FN3KRP: variants seen among roughly 807,000 people sequenced by gnomAD.
The protein encoded by FN3KRP is fructosamine 3 kinase related protein, also known as ketosamine-3-kinase.
Under a neutral mutation model 29.8 loss-of-function variants are expected in FN3KRP, and 33 were observed. That is an observed-to-expected ratio of 1.11 (90% CI 0.84 to 1.48). The LOEUF (loss-of-function observed/expected upper bound fraction) is 1.48. Among genes scored for constraint, FN3KRP ranks in the 40% most tolerant of loss-of-function variants. The pLI is 0.00. For synonymous variants in FN3KRP, 157 were observed against 155.2 expected (o/e 1.01, Z -0.09); for missense variants, 430 against 402.6 (o/e 1.07, Z -0.58).
chr17:82,725,603 C>G (rs933184947), intron 4 of FN3KRP, among the ~76,000 whole-genome samples: 5 of 152,142 alleles, frequency 3.3e-5, no homozygotes, highest in Non-Finnish European at 7.3e-5. Context: ...GCGCCCACCA[C>G]CACGTCCGGC....
Position 82,726,944 on chromosome 17 carries a change from C to A in FN3KRP, c.703C>A (p.Pro235Thr). Residue 235 changes from proline (P) to threonine (T), a missense_variant, in exon 6 of 6, where the codon CCA (proline) becomes ACA (threonine). Transcript: ENST00000269373. ...EDSSGPVIFD[P>T]ASFYGHSEYE... ...TTCCTCTGGGCCGGTGATTTTTGAC[C>A]CAGCTTCTTTCTACGGCCACTCGGA... 1.9e-6 allele frequency: 3 copies of A among 1,613,006 alleles called. No homozygotes were observed. Among genetic ancestry groups the A allele is most frequent in the Non-Finnish European group, 1.7e-6 (2 of 1,179,514 alleles).
intron 3 of FN3KRP, among the ~76,000 whole-genome samples, chr17:82,721,186 C>T (rs751170843): frequency 2.6e-5 from 4 of 152,060 alleles, no homozygotes; most frequent in Non-Finnish European, 4.4e-5. Context: ...CTCCTGGGTT[C>T]AAGCGATTTT....
rs746069991 is a variant in FN3KRP, at chr17:82,726,488, C to T, written c.477C>T (p.Asp159=). 6.2e-7 allele frequency: 1 copy of T among 1,613,732 alleles called. No homozygotes were observed. The highest frequency in any genetic ancestry group is 1.7e-5 in the Admixed American group (1 of 59,926). The part of the protein sequence containing the change: ...TCCGYLPQVN[D]WQEDWVVFYA... Reference sequence around the variant, plus strand: ...TTGCTGTTACTGTGCAGGTGAATGACTGGCAGGAGGACTGGGTCGTGTTCT... The same window carrying T: ...TTGCTGTTACTGTGCAGGTGAATGATTGGCAGGAGGACTGGGTCGTGTTCT... Residue 159 remains aspartate (D), a synonymous_variant, in exon 5 of 6, where the codon GAC becomes GAT. Transcript: ENST00000269373.
At position 82,726,881 on chromosome 17, in the gene FN3KRP, CT is replaced by C. The variant is rs771196672; in HGVS notation, c.641del (p.Leu214ProfsTer10). On this transcript the variant is annotated frameshift_variant, in exon 6 of 6. Coordinates refer to ENST00000269373, the MANE Select transcript of FN3KRP (RefSeq NM_024619.4). LOFTEE classifies it high-confidence loss of function. The stretch of plus-strand genomic sequence containing the variant: ...TGACCTGGAGATCATCCCAGCCTTA[CT>C]CCACGGGGACCTCTGGGGTGGAAAC... ...FRDLEIIPALLHGDLWGGNVA... is the reference protein window; with the variant it reads ...FRDLEIIPALXHGDLWGGNVA... The C allele has an allele frequency of 6.3e-6, 10 of 1,580,500 alleles. No homozygotes were observed.
intron 1 of FN3KRP, among the ~76,000 whole-genome samples, chr17:82,717,850 G>A (rs1166847961): frequency 2.0e-5 from 3 of 152,178 alleles, no homozygotes; most frequent in African/African-American, 7.2e-5. Context: ...CACGAGGAGA[G>A]TGTGTGTGTC....
rs1384770196 is a variant in FN3KRP at position 82,727,525 on chromosome 17, C to G, written c.*354C>G. The G allele has an allele frequency of 3.3e-5, 7 of 210,282 alleles. No individual in the cohort carries two copies. In the South Asian group the frequency reaches 8.1e-4, roughly 24 times the overall value. The allele number at this position is 210,282 out of a possible 1,614,324, so 13.0% of individuals were successfully genotyped here. On this transcript the variant is annotated 3_prime_UTR_variant, in exon 6 of 6. Transcript: ENST00000269373. ...CAGGGAGGTGGCCAGCGCCCCCGGG[C>G]ACTGCTGCTCATAGGTACCTTTCCA...
At position 82,726,845 on chromosome 17, in the gene FN3KRP, G is replaced by C. The variant is rs768222352; in HGVS notation, c.604G>C (p.Asp202His). The part of the protein sequence containing the change: ...LWSALQLKIP[D>H]LFRDLEIIPA... ...TTCCTCCCTGCAGTTAAAGATCCCT[G>C]ACCTGTTCCGTGACCTGGAGATCAT... The change falls in exon 6 of 6, where the codon GAC becomes CAC. Residue 202 changes from aspartate to histidine, a missense_variant. By Grantham distance (81) the Asp-to-His change is moderately conservative. Coordinates refer to ENST00000269373, the MANE Select transcript of FN3KRP (RefSeq NM_024619.4). The C allele has an allele frequency of 3.9e-6, 6 of 1,543,594 alleles. No individual in the cohort carries two copies. Among genetic ancestry groups the C allele is most frequent in the Non-Finnish European group, 4.4e-6 (5 of 1,147,396 alleles).
chr17:82,722,744 C>T (rs377520285), intron 3 of FN3KRP, 60 bp from the exon 4 acceptor site: 36 of 1,549,456 alleles, frequency 2.3e-5, no homozygotes, highest in African/African-American at 8.1e-5. Context: ...GACTCAGTTT[C>T]GAGAGTGGGC....
chr17:82,721,856 T>G (rs527545455), intron 3 of FN3KRP, among the ~76,000 whole-genome samples: 1 of 147,912 alleles, frequency 6.8e-6, no homozygotes, highest in Non-Finnish European at 1.5e-5. Flanking sequence ...TTTTTTGAAA[T>G]GGAGTTTTGC....
chr17:82,719,429 G>A lies in FN3KRP; in HGVS notation c.293+372G>A, dbSNP rs2143607307. On this transcript the variant is annotated intron_variant, in intron 2 of 5. Transcript: ENST00000269373. ...TCTCTGCAACCAAGGGCAGAAGCAA[G>A]AGGAATCTCCCAAAGTGAGATGCTG... is the stretch of plus-strand genomic sequence containing the variant. Among the ~76,000 whole-genome samples, 2 of 152,392 alleles carry A rather than the reference G, an allele frequency of 1.3e-5. 1 individual carries two copies. The highest frequency in any genetic ancestry group is 4.1e-4 in the South Asian group (2 of 4,834).
rs1240848167 is a variant in FN3KRP at position 82,718,646 on chromosome 17, A to G, written c.142-260A>G. The G allele has an allele frequency of 3.2e-6, 4 of 1,252,742 alleles. No homozygotes were observed. In the East Asian group the frequency reaches 1.4e-4, roughly 43 times the overall value. 77.6% of individuals were successfully genotyped at this position (1,252,742 alleles called of 1,614,324 possible). On this transcript the variant is annotated intron_variant, in intron 1 of 5. Transcript: ENST00000269373. ...GTGCCTTCGATTTTCCTCTCTCCAG[A>G]GAACCTCCCAATTCAACCACAGCAC...
In FN3KRP at chr17:82,726,871, C is replaced by T; in HGVS notation, c.630C>T (p.Ile210=). The T allele has an allele frequency of 6.4e-7, 1 of 1,570,348 alleles. No individual in the cohort carries two copies. The highest frequency in any genetic ancestry group is 1.7e-4 in the Middle Eastern group (1 of 5,800). The change falls in exon 6 of 6, where the codon ATC becomes ATT. Residue 210 remains isoleucine (I), a synonymous_variant. Coordinates refer to ENST00000269373, the MANE Select transcript of FN3KRP (RefSeq NM_024619.4). ...ACCTGTTCCGTGACCTGGAGATCATCCCAGCCTTACTCCACGGGGACCTCT... is the reference window on the plus strand; with the variant it reads ...ACCTGTTCCGTGACCTGGAGATCATTCCAGCCTTACTCCACGGGGACCTCT... The part of the protein sequence containing the change: ...IPDLFRDLEI[I]PALLHGDLWG...
chr17:82,726,961 C>CTTT lies in FN3KRP; in HGVS notation c.720_721insTTT (p.Gly240_His241insPhe). 6.2e-7 allele frequency: 1 copy of CTTT among 1,613,908 alleles called. No homozygotes were observed. Among genetic ancestry groups the CTTT allele is most frequent in the Non-Finnish European group, 8.5e-7 (1 of 1,179,950 alleles). On this transcript the variant is annotated inframe_insertion, in exon 6 of 6. Transcript: ENST00000269373. Reference sequence around the variant, plus strand: ...TTTTTGACCCAGCTTCTTTCTACGGCCACTCGGAATATGAGCTGGCAATAG... The same window carrying CTTT: ...TTTTTGACCCAGCTTCTTTCTACGGCTTTCACTCGGAATATGAGCTGGCAATAG...
Position 82,726,815 on chromosome 17 carries a change from C to T in FN3KRP, c.592-18C>T, listed in dbSNP as rs758772179. The T allele has an allele frequency of 1.3e-6, 2 of 1,523,414 alleles. No homozygotes were observed. The highest frequency in any genetic ancestry group is 2.3e-5 in the East Asian group (1 of 44,196). 94.4% of individuals were successfully genotyped at this position (1,523,414 alleles called of 1,614,324 possible). A position where few individuals can be genotyped will look rare whatever the true frequency, so the allele number is the denominator to read the frequency against. On this transcript the variant is annotated intron_variant, in intron 5 of 5. Coordinates refer to ENST00000269373, the MANE Select transcript of FN3KRP (RefSeq NM_024619.4). ...ACGCGTTGATCAATTTGCTGAGGCT[C>T]CATTTTCCTCCCTGCAGTTAAAGAT...
At chr17:82,720,400 G>A (rs1466045867) in intron 3 of FN3KRP, 37 bp downstream of exon 3, 2 of 1,550,462 alleles carry the variant, frequency 1.3e-6, no homozygotes, top group Non-Finnish European at 1.8e-6. Flanking sequence ...CTCCCGCCTA[G>A]AGGAGGACGT....
intron 4 of FN3KRP, among the ~76,000 whole-genome samples, chr17:82,725,568 G>A (rs117419137): frequency 0.012 from 1,866 of 152,096 alleles, 17 homozygotes; most frequent in Non-Finnish European, 0.021. Context: ...TCCTGCCTCA[G>A]CCTCCTGTGT....
intron 4 of FN3KRP, among the ~76,000 whole-genome samples, chr17:82,724,511 G>A (rs910795568): frequency 6.6e-6 from 1 of 152,006 alleles, no homozygotes; most frequent in African/African-American, 2.4e-5. Flanking sequence ...GGCTGAGGCA[G>A]GAGAATCGCT....
chr17:82,727,242 T>C lies in FN3KRP; in HGVS notation c.*71T>C. 1 of 1,392,580 alleles carries C rather than the reference T, an allele frequency of 7.2e-7. No homozygotes were observed. Among genetic ancestry groups the C allele is most frequent in the Non-Finnish European group, 9.9e-7 (1 of 1,008,546 alleles). 86.3% of individuals were successfully genotyped at this position (1,392,580 alleles called of 1,614,324 possible). A position where few individuals can be genotyped will look rare whatever the true frequency, so the allele number is the denominator to read the frequency against. ...CTCTTCTGGGCAAATTCTTGTTTCTTCACATGCTGGACTAGCTTAAGACCA... is the reference window on the plus strand; with the variant it reads ...CTCTTCTGGGCAAATTCTTGTTTCTCCACATGCTGGACTAGCTTAAGACCA... On this transcript the variant is annotated 3_prime_UTR_variant, in exon 6 of 6. Transcript: ENST00000269373.
chr17:82,723,495 CAGTG>C (rs907994194), intron 4 of FN3KRP, among the ~76,000 whole-genome samples: 3 of 147,502 alleles, frequency 2.0e-5, no homozygotes, highest in Non-Finnish European at 3.0e-5. Flanking sequence ...GCTGTACTCA[CAGTG>C]TGTGTGTGCA....
Sources: gnomAD v4.1 joint callset for allele counts (sites outside exome capture counted in the v4.1 genomes callset) on GRCh38, gnomAD v4.1.1 for gene constraint, MANE v1.5 for transcripts, NCBI Gene and HGNC (gene_info 2026-07-23, HGNC 2026-07-21) for gene names.